The following PABPC4L variants were observed in gnomAD, a reference collection of about 807,000 sequenced individuals.
PABPC4L encodes polyadenylate-binding protein 4-like.
For synonymous variants in PABPC4L, 169 were observed against 164.1 expected (o/e 1.03, Z -0.23); for missense variants, 452 against 451.4 (o/e 1.00, Z -0.01).
chr4:134,064,133 A>G, the PABPC4L span, among the ~76,000 whole-genome samples: 3 of 152,042 alleles, frequency 2.0e-5, no homozygotes, highest in African/African-American at 7.2e-5. Context: ...AATATTTATA[A>G]TGTGTAATAC....
the PABPC4L span, among the ~76,000 whole-genome samples, chr4:134,134,015 A>C: frequency 6.6e-6 from 1 of 152,028 alleles, no homozygotes; most frequent in African/African-American, 2.4e-5. Context: ...AAGAAAAAAA[A>C]CTATTTTGCC....
the PABPC4L span, among the ~76,000 whole-genome samples, chr4:134,074,819 G>T: frequency 3.3e-5 from 5 of 152,112 alleles, no homozygotes; most frequent in African/African-American, 1.2e-4. Context: ...CAGATCTTGT[G>T]AGAACTCACT....
At chr4:134,086,948 C>T in the PABPC4L span, among the ~76,000 whole-genome samples, 1 of 151,600 alleles carries the variant, frequency 6.6e-6, no homozygotes, top group East Asian at 2.0e-4. Flanking sequence ...GCTATCCCTC[C>T]CCCTTCCCCC....
chr4:134,088,744 G>A, the PABPC4L span, among the ~76,000 whole-genome samples: 28,321 of 151,942 alleles, frequency 0.19, 3,268 homozygotes, highest in Admixed American at 0.25. Flanking sequence ...CCAGGCTCCA[G>A]AACTGTGAAA....
the PABPC4L span, among the ~76,000 whole-genome samples, chr4:134,018,511 C>T: frequency 4.6e-5 from 7 of 152,120 alleles, no homozygotes; most frequent in South Asian, 2.1e-4. Context: ...ACCCTCTTAC[C>T]TCCACCCACC....
the PABPC4L span, among the ~76,000 whole-genome samples, chr4:134,136,922 G>C: frequency 6.6e-6 from 1 of 152,030 alleles, no homozygotes; most frequent in South Asian, 2.1e-4. Context: ...TTGAGGCTAA[G>C]TATCCCTTAG....
At chr4:134,101,327 T>C in the PABPC4L span, among the ~76,000 whole-genome samples, 1 of 151,542 alleles carries the variant, frequency 6.6e-6, no homozygotes, top group South Asian at 2.1e-4. Context: ...CAGAGAATAC[T>C]CAGATTTGAT....
the PABPC4L span, among the ~76,000 whole-genome samples, chr4:133,956,159 T>G: frequency 6.6e-6 from 1 of 152,176 alleles, no homozygotes; most frequent in Non-Finnish European, 1.5e-5. Context: ...TGCAAAGAAC[T>G]CTTTCTTTGA....
the PABPC4L span, among the ~76,000 whole-genome samples, chr4:134,003,500 G>T: frequency 6.6e-6 from 1 of 151,682 alleles, no homozygotes; most frequent in South Asian, 2.1e-4. Context: ...TTTCATGTGG[G>T]ATTTTGTAAA....
the PABPC4L span, among the ~76,000 whole-genome samples, chr4:134,065,402 G>T: frequency 1.3e-5 from 2 of 151,946 alleles, no homozygotes; most frequent in Non-Finnish European, 2.9e-5. Context: ...CTTTTGAAAA[G>T]TTTCTGTTCA....
At chr4:134,038,538 G>C in the PABPC4L span, among the ~76,000 whole-genome samples, 6 of 152,146 alleles carry the variant, frequency 3.9e-5, no homozygotes, top group South Asian at 1.2e-3. Context: ...TTTCTTTCTG[G>C]TTTAGTCTTG....
chr4:134,075,114 T>A, the PABPC4L span, among the ~76,000 whole-genome samples: 2 of 152,308 alleles, frequency 1.3e-5, no homozygotes, highest in Admixed American at 6.5e-5. Context: ...AAAAAGTGTC[T>A]AATGACTGGA....
the PABPC4L span, among the ~76,000 whole-genome samples, chr4:134,070,404 AG>A: frequency 6.6e-6 from 1 of 151,980 alleles, no homozygotes; most frequent in African/African-American, 2.4e-5. Context: ...TACCAGCAGC[AG>A]GGGTGGTGAA....
At chr4:133,961,825 T>C in the PABPC4L span, among the ~76,000 whole-genome samples, 2 of 152,112 alleles carry the variant, frequency 1.3e-5, no homozygotes. Context: ...CCATTGCCGC[T>C]CCCAATCAGG....
chr4:134,142,930 TC>T, the PABPC4L span, among the ~76,000 whole-genome samples: 1 of 151,608 alleles, frequency 6.6e-6, no homozygotes, highest in African/African-American at 2.4e-5. Context: ...ATTATCTCCG[TC>T]CTTGTGGAGC....
At chr4:134,052,292 T>C in the PABPC4L span, among the ~76,000 whole-genome samples, 107,050 of 151,926 alleles carry the variant, frequency 0.7, 38,120 homozygotes, top group East Asian at 0.95. Flanking sequence ...GTTTAATTTA[T>C]CATTAAACCA....
chr4:133,968,458 C>T, the PABPC4L span, among the ~76,000 whole-genome samples: 6 of 152,144 alleles, frequency 3.9e-5, no homozygotes, highest in Admixed American at 2.0e-4. Flanking sequence ...TTGTCTAGGA[C>T]GTCTTGGGGC....
chr4:134,179,360 T>C, the PABPC4L span, among the ~76,000 whole-genome samples: 1 of 152,114 alleles, frequency 6.6e-6, no homozygotes, highest in African/African-American at 2.4e-5. Flanking sequence ...TGCCAGCAGA[T>C]CTGCCTTACA....
chr4:133,995,248 G>C, the PABPC4L span, among the ~76,000 whole-genome samples: 1 of 152,106 alleles, frequency 6.6e-6, no homozygotes, highest in Non-Finnish European at 1.5e-5. Context: ...ACGTTACCTT[G>C]GTCTCTACTA....
Sources: allele counts gnomAD v4.1 joint callset (sites outside exome capture counted in the v4.1 genomes callset), GRCh38; gene constraint gnomAD v4.1.1; transcripts MANE v1.5; gene names NCBI Gene and HGNC (gene_info 2026-07-23, HGNC 2026-07-21).